Variants in THSD4 observed in about 807,000 individuals in gnomAD.
The protein encoded by THSD4 is thrombospondin type-1 domain-containing protein 4.
THSD4 carries 69 observed loss-of-function variants against 119.0 expected under a neutral mutation model. The ratio of observed to expected loss-of-function variants is 0.58; its 90% confidence interval spans 0.48 to 0.71. The LOEUF (loss-of-function observed/expected upper bound fraction) is 0.71. Ranked by LOEUF, THSD4 falls within the 30% of genes least tolerant of loss-of-function variation. The pLI is 0.00. For missense variants in THSD4, 1,393 were observed against 1,391.1 expected (o/e 1.00, Z -0.02); for synonymous variants, 524 against 540.4 (o/e 0.97, Z 0.42).
At chr15:71,108,765 G>A (rs2040284659) in intron 1 of THSD4, among the ~76,000 whole-genome samples, 1 of 152,196 alleles carries the variant, frequency 6.6e-6, no homozygotes, top group South Asian at 2.1e-4. Flanking sequence ...GCTGAGGCAG[G>A]CAGATCATGA....
chr15:71,187,699 G>A (rs2043624387), intron 3 of THSD4: 1 of 152,338 alleles, frequency 6.6e-6, no homozygotes, highest in African/African-American at 2.4e-5. Flanking sequence ...CCTTACATCA[G>A]CCCTTGAGCT....
intron 6 of THSD4, among the ~76,000 whole-genome samples, chr15:71,368,241 T>G (rs1420527303): frequency 6.6e-6 from 1 of 152,234 alleles, no homozygotes; most frequent in African/African-American, 2.4e-5. Context: ...GGTTGCCTGT[T>G]CACTCTGATG....
Position 71,728,695 on chromosome 15 carries a change from G to T in THSD4, c.1504G>T (p.Gly502Cys), listed in dbSNP as rs781254495. The T allele has an allele frequency of 1.9e-6, 3 of 1,614,170 alleles. No individual in the cohort carries two copies. Among genetic ancestry groups the T allele is most frequent in the Non-Finnish European group, 2.5e-6 (3 of 1,180,026 alleles). ...TGCCGGAGAGTCCTTTTTGGCGGAA[G>T]GTCCCACCAACGAGATCTTGGATGT... Reference protein sequence around the residue: ...STAGESFLAEGPTNEILDVYM... With the variant: ...STAGESFLAECPTNEILDVYM... Residue 502 changes from glycine (G) to cysteine (C), a missense_variant, in exon 9 of 18, where the codon GGT becomes TGT. Coordinates refer to ENST00000261862, the MANE Select transcript of THSD4 (RefSeq NM_024817.3).
At chr15:71,519,077 G>C (rs1244221616) in intron 7 of THSD4, among the ~76,000 whole-genome samples, 1 of 152,202 alleles carries the variant, frequency 6.6e-6, no homozygotes, top group Non-Finnish European at 1.5e-5. Context: ...TATGTTGGGA[G>C]CTCTCAGAAG....
chr15:71,289,848 C>T (rs2044767432), intron 6 of THSD4, among the ~76,000 whole-genome samples: 1 of 152,014 alleles, frequency 6.6e-6, no homozygotes, highest in Non-Finnish European at 1.5e-5. Flanking sequence ...GCTTCTCTTG[C>T]CATTTCATCT....
At chr15:71,657,479 G>T (rs1245487628) in intron 7 of THSD4, among the ~76,000 whole-genome samples, 1 of 152,170 alleles carries the variant, frequency 6.6e-6, no homozygotes, top group African/African-American at 2.4e-5. Flanking sequence ...AAATATTAAG[G>T]TCTTGAATAT....
intron 3 of THSD4, among the ~76,000 whole-genome samples, chr15:71,181,610 T>C (rs1448291204): frequency 3.3e-5 from 5 of 152,222 alleles, no homozygotes; most frequent in Non-Finnish European, 5.9e-5. Flanking sequence ...TCTCTGTCAA[T>C]GCTTATGGAC....
intron 4 of THSD4, among the ~76,000 whole-genome samples, chr15:71,235,657 A>G (rs1001937082): frequency 2.1e-4 from 29 of 137,982 alleles, no homozygotes; most frequent in Admixed American, 8.3e-5. Flanking sequence ...GCACGATCTC[A>G]GCTCACTGCC....
chr15:71,677,104 A>G (rs915156905), intron 8 of THSD4, among the ~76,000 whole-genome samples: 2 of 152,180 alleles, frequency 1.3e-5, no homozygotes, highest in African/African-American at 4.8e-5. Flanking sequence ...CAACACTTCA[A>G]GTGTGTTTTT....
rs138734362 is a variant in THSD4, at chr15:71,656,808, A to G, written c.1153-3722A>G. Among the ~76,000 whole-genome samples the G allele has an allele frequency of 4.6e-5, 7 of 152,278 alleles. No homozygotes were observed. In the East Asian group the frequency reaches 7.7e-4, roughly 17 times the overall value. ...TCTTAGTTTCCTATAAATTTCAGCAATCTCACAGATGGCTTTTTAGGATTA... is the reference window on the plus strand; with the variant it reads ...TCTTAGTTTCCTATAAATTTCAGCAGTCTCACAGATGGCTTTTTAGGATTA... On this transcript the variant is annotated intron_variant, in intron 7 of 17. Transcript: ENST00000261862.
chr15:71,313,337 A>G (rs1240061622), intron 6 of THSD4, among the ~76,000 whole-genome samples: 3 of 151,706 alleles, frequency 2.0e-5, no homozygotes, highest in Non-Finnish European at 4.4e-5. Flanking sequence ...GTATTTCCTT[A>G]CTCTCTGGCA....
intron 6 of THSD4, among the ~76,000 whole-genome samples, chr15:71,284,380 T>C (rs1385262178): frequency 6.6e-6 from 1 of 152,226 alleles, no homozygotes; most frequent in African/African-American, 2.4e-5. Flanking sequence ...CAGAAATTCA[T>C]ACACATAAGT....
chr15:71,670,175 G>A (rs2051494849), intron 8 of THSD4, among the ~76,000 whole-genome samples: 1 of 151,864 alleles, frequency 6.6e-6, no homozygotes, highest in Non-Finnish European at 1.5e-5. Context: ...TTGGTTTGCT[G>A]CACCCATTAA....
intron 7 of THSD4, among the ~76,000 whole-genome samples, chr15:71,626,026 A>G (rs1167148477): frequency 1.3e-5 from 2 of 152,124 alleles, no homozygotes; most frequent in African/African-American, 4.8e-5. Context: ...CTTTTAGAGG[A>G]TTTTTATACA....
At chr15:71,531,431 G>A (rs950789451) in intron 7 of THSD4, among the ~76,000 whole-genome samples, 2 of 152,184 alleles carry the variant, frequency 1.3e-5, no homozygotes, top group Non-Finnish European at 2.9e-5. Flanking sequence ...TTGAACTTGT[G>A]GACACATGAA....
At chr15:71,483,530 A>G (rs2047766283) in intron 7 of THSD4, among the ~76,000 whole-genome samples, 1 of 152,136 alleles carries the variant, frequency 6.6e-6, no homozygotes, top group African/African-American at 2.4e-5. Flanking sequence ...TACTTAGGAA[A>G]GTAACTTGAA....
intron 6 of THSD4, among the ~76,000 whole-genome samples, chr15:71,307,721 T>C (rs1458042810): frequency 6.6e-6 from 1 of 152,136 alleles, no homozygotes; most frequent in Non-Finnish European, 1.5e-5. Context: ...TGAGCTGAGA[T>C]CGCACCACTG....
At chr15:71,385,328 C>T (rs1328704863) in intron 6 of THSD4, among the ~76,000 whole-genome samples, 3 of 152,170 alleles carry the variant, frequency 2.0e-5, no homozygotes, top group African/African-American at 7.2e-5. Context: ...GCCTGGTGTT[C>T]CTGGGGGTCA....
chr15:71,546,139 G>T (rs1269285599), intron 7 of THSD4, among the ~76,000 whole-genome samples: 1 of 150,676 alleles, frequency 6.6e-6, no homozygotes, highest in Non-Finnish European at 1.5e-5. Flanking sequence ...CACAGGAGGG[G>T]AGACTAGGGC....
Sources: gnomAD v4.1 joint callset for allele counts (sites outside exome capture counted in the v4.1 genomes callset) on GRCh38, gnomAD v4.1.1 for gene constraint, MANE v1.5 for transcripts, NCBI Gene and HGNC (gene_info 2026-07-23, HGNC 2026-07-21) for gene names.